Variants in NRG1 observed in about 807,000 individuals in gnomAD.
NRG1 encodes the protein pro-neuregulin-1, membrane-bound isoform.
Under a neutral mutation model 63.8 loss-of-function variants are expected in NRG1, and 18 were observed. The observed-to-expected ratio is 0.28, with a 90% CI of 0.19 to 0.42. The LOEUF (loss-of-function observed/expected upper bound fraction) is 0.42, where lower values mean the gene tolerates loss of function less well. Ranked by LOEUF, NRG1 falls within the 10% of genes least tolerant of loss-of-function variation. The probability of loss-of-function intolerance (pLI) is 1.00; values close to 1 mark genes in which losing one functional copy is unlikely to be tolerated. For synonymous variants in NRG1, 302 were observed against 301.3 expected, an observed-to-expected ratio of 1.00 and a Z score of -0.02; for missense variants, 762 against 814.7, an observed-to-expected ratio of 0.94 and a Z score of 0.79.
intron 1 of NRG1, among the ~76,000 whole-genome samples, chr8:31,773,809 G>T (rs547349350): frequency 2.0e-5 from 3 of 152,158 alleles, no homozygotes; most frequent in African/African-American, 4.8e-5. Context: ...GCTGATAAAA[G>T]TTACCTTCTC....
exon 1 of NRG1, chr8:32,548,761 A>C (rs1833461481): frequency 2.5e-6 from 4 of 1,590,732 alleles, no homozygotes; most frequent in Non-Finnish European, 3.4e-6. Flanking sequence ...GGCAAAGGGA[A>C]GGGCAAGAAG....
intron 1 of NRG1, among the ~76,000 whole-genome samples, chr8:31,668,794 A>G (rs191286572): frequency 1.3e-5 from 2 of 152,356 alleles, no homozygotes; most frequent in East Asian, 3.9e-4. Context: ...GGAATCCTGT[A>G]ATCATTGAAG....
intron 1 of NRG1, among the ~76,000 whole-genome samples, chr8:32,396,415 A>G (rs1278944635): frequency 1.3e-5 from 2 of 152,156 alleles, no homozygotes; most frequent in East Asian, 3.9e-4. Context: ...GATCTTGTAT[A>G]TATTTTGTCA....
intron 1 of NRG1, among the ~76,000 whole-genome samples, chr8:32,254,037 C>G (rs572534514): frequency 1.1e-4 from 16 of 152,094 alleles, no homozygotes; most frequent in African/African-American, 3.6e-4. Context: ...GTGGTGATAT[C>G]CCCTTCATCA....
At chr8:31,712,076 T>A (rs1188746629) in intron 1 of NRG1, among the ~76,000 whole-genome samples, 1 of 152,106 alleles carries the variant, frequency 6.6e-6, no homozygotes, top group African/African-American at 2.4e-5. Flanking sequence ...TCTCTCATTC[T>A]TTTCAAGTCT....
intron 1 of NRG1, among the ~76,000 whole-genome samples, chr8:32,201,795 A>T (rs573390010): frequency 6.6e-6 from 1 of 152,346 alleles, no homozygotes; most frequent in South Asian, 2.1e-4. Context: ...TCAACTGCAT[A>T]TAGGACCATT....
chr8:32,575,153 C>T (rs1160444215), intron 1 of NRG1, among the ~76,000 whole-genome samples: 1 of 152,170 alleles, frequency 6.6e-6, no homozygotes, highest in Non-Finnish European at 1.5e-5. Flanking sequence ...TCACAATTGA[C>T]CTTTGTCTTA....
intron 1 of NRG1, among the ~76,000 whole-genome samples, chr8:31,702,848 A>C (rs2131199531): frequency 6.6e-6 from 1 of 152,150 alleles, no homozygotes; most frequent in Non-Finnish European, 1.5e-5. Flanking sequence ...ATTTCCTCCA[A>C]GGCTATAGCT....
chr8:31,808,597 T>C (rs1405727300), intron 1 of NRG1, among the ~76,000 whole-genome samples: 3 of 152,090 alleles, frequency 2.0e-5, no homozygotes, highest in African/African-American at 7.2e-5. Flanking sequence ...AACTAATGAA[T>C]TACAAAATTT....
chr8:31,872,969 C>T (rs909606442), intron 1 of NRG1, among the ~76,000 whole-genome samples: 1 of 152,074 alleles, frequency 6.6e-6, no homozygotes, highest in Non-Finnish European at 1.5e-5. Context: ...AAATCTTATG[C>T]ATAATTTTGA....
chr8:31,806,281 A>G (rs1042011210), intron 1 of NRG1, among the ~76,000 whole-genome samples: 1 of 152,176 alleles, frequency 6.6e-6, no homozygotes, highest in Non-Finnish European at 1.5e-5. Context: ...CAACAAGTGG[A>G]ATGATTTACA....
intron 1 of NRG1, among the ~76,000 whole-genome samples, chr8:32,390,691 C>A (rs11996345): frequency 0.011 from 1,659 of 152,030 alleles, 34 homozygotes; most frequent in African/African-American, 0.038. Flanking sequence ...TTATCTGCTC[C>A]CACAATGCCC....
intron 1 of NRG1, among the ~76,000 whole-genome samples, chr8:32,026,824 T>G (rs1479519800): frequency 1.3e-5 from 2 of 152,194 alleles, no homozygotes; most frequent in Non-Finnish European, 2.9e-5. Context: ...TTAAATTCTC[T>G]ACTTCAGGAA....
chr8:32,256,464 T>C (rs1312792557), intron 1 of NRG1: 3 of 152,262 alleles, frequency 2.0e-5, no homozygotes, highest in Non-Finnish European at 4.4e-5. Flanking sequence ...TCTGCAGGAG[T>C]TTGCTGGAGG....
At chr8:31,961,730 T>C (rs1190733345) in intron 1 of NRG1, among the ~76,000 whole-genome samples, 15 of 152,102 alleles carry the variant, frequency 9.9e-5, no homozygotes, top group Admixed American at 8.5e-4. Flanking sequence ...AAATGAAGCA[T>C]GAAGGGAAAA....
intron 1 of NRG1, among the ~76,000 whole-genome samples, chr8:31,851,266 C>G (rs575478567): frequency 6.6e-6 from 1 of 151,982 alleles, no homozygotes; most frequent in Non-Finnish European, 1.5e-5. Context: ...TTGGGAGTAG[C>G]CTTAGTAGCA....
chr8:31,805,567 G>C (rs1240938982), intron 1 of NRG1, among the ~76,000 whole-genome samples: 2 of 152,082 alleles, frequency 1.3e-5, no homozygotes, highest in African/African-American at 4.8e-5. Flanking sequence ...GGTGGCTCAC[G>C]TCTGTAATCC....
intron 1 of NRG1, among the ~76,000 whole-genome samples, chr8:31,757,215 C>T: frequency 6.6e-6 from 1 of 151,552 alleles, no homozygotes; most frequent in African/African-American, 2.4e-5. Flanking sequence ...TACTCTTTAC[C>T]AAAAGGTGGG....
intron 1 of NRG1, among the ~76,000 whole-genome samples, chr8:32,194,672 G>T (rs1209805387): frequency 1.3e-5 from 2 of 152,080 alleles, no homozygotes; most frequent in African/African-American, 2.4e-5. Context: ...CTATCGCTTT[G>T]TTTAATATTT....
Sources: gnomAD v4.1 joint callset for allele counts (sites outside exome capture counted in the v4.1 genomes callset) on GRCh38, gnomAD v4.1.1 for gene constraint, MANE v1.5 for transcripts, NCBI Gene and HGNC (gene_info 2026-07-23, HGNC 2026-07-21) for gene names.